GALNTL6: variants seen among roughly 807,000 people sequenced by gnomAD.
The protein encoded by GALNTL6 is polypeptide N-acetylgalactosaminyltransferase-like 6.
GALNTL6 carries 46 observed loss-of-function variants against 73.7 expected under a neutral mutation model. That is an observed-to-expected ratio of 0.62 (90% CI 0.49 to 0.80). The LOEUF (loss-of-function observed/expected upper bound fraction) is 0.80, where lower values mean the gene tolerates loss of function less well. Ranked by LOEUF, GALNTL6 falls within the 30% of genes least tolerant of loss-of-function variation. The pLI, the probability that GALNTL6 is intolerant of heterozygous loss-of-function variation, is 0.00. For synonymous variants in GALNTL6, 259 were observed against 263.7 expected, an observed-to-expected ratio of 0.98 and a Z score of 0.17; for missense variants, 604 against 755.0, an observed-to-expected ratio of 0.80 and a Z score of 2.34.
At chr4:172,668,778 A>G (rs1187199959) in intron 5 of GALNTL6, 2 of 152,176 alleles carry the variant, frequency 1.3e-5, no homozygotes, top group Admixed American at 1.3e-4. Context: ...TGGATGGCCC[A>G]CTTCAAAGGG....
intron 3 of GALNTL6, among the ~76,000 whole-genome samples, chr4:172,277,538 C>T (rs369077179): frequency 2.6e-5 from 4 of 152,238 alleles, no homozygotes; most frequent in East Asian, 3.9e-4. Context: ...CTTTGTTTCA[C>T]GTAATTCAAC....
chr4:172,514,518 A>G (rs980800382), intron 5 of GALNTL6, among the ~76,000 whole-genome samples: 2 of 152,144 alleles, frequency 1.3e-5, no homozygotes, highest in African/African-American at 4.8e-5. Flanking sequence ...CTGCCGAGAA[A>G]TCAAGCAGGG....
At chr4:172,532,184 T>C (rs1202282485) in intron 5 of GALNTL6, among the ~76,000 whole-genome samples, 2 of 152,120 alleles carry the variant, frequency 1.3e-5, no homozygotes, top group African/African-American at 4.8e-5. Context: ...CCTTTGGAAA[T>C]AGGATCTTTG....
intron 5 of GALNTL6, among the ~76,000 whole-genome samples, chr4:172,415,680 C>T (rs1170771941): frequency 2.6e-5 from 4 of 152,080 alleles, no homozygotes; most frequent in South Asian, 2.1e-4. Flanking sequence ...CGCGGACTCA[C>T]GTCTCCAAAA....
chr4:172,834,408 G>A lies in GALNTL6; in HGVS notation c.923+20685G>A, dbSNP rs573168490. 2.0e-5 allele frequency among the ~76,000 whole-genome samples: 3 copies of A among 152,362 alleles called. No homozygotes were observed. In the South Asian group the frequency reaches 6.2e-4, roughly 32 times the overall value. Reference sequence around the variant, plus strand: ...TTGCCCATTACAGCGAGGTAAGCATGGGCAATCAGGGAGAAGCTGGTGGTT... The same window carrying A: ...TTGCCCATTACAGCGAGGTAAGCATAGGCAATCAGGGAGAAGCTGGTGGTT... On this transcript the variant is annotated intron_variant, in intron 7 of 12. Transcript: ENST00000506823.
At chr4:172,187,893 A>AT (rs1735461869) in intron 2 of GALNTL6, among the ~76,000 whole-genome samples, 1 of 152,080 alleles carries the variant, frequency 6.6e-6, no homozygotes, top group Non-Finnish European at 1.5e-5. Context: ...TGTAAAACTC[A>AT]TTCTTTATTA....
intron 5 of GALNTL6, among the ~76,000 whole-genome samples, chr4:172,455,554 A>G (rs1479271777): frequency 1.3e-5 from 2 of 152,152 alleles, no homozygotes; most frequent in East Asian, 3.9e-4. Context: ...AGGCTTGAGT[A>G]GGTGGTTTTC....
At chr4:172,296,250 A>G (rs1202514609) in intron 3 of GALNTL6, among the ~76,000 whole-genome samples, 2 of 152,172 alleles carry the variant, frequency 1.3e-5, no homozygotes, top group Non-Finnish European at 2.9e-5. Flanking sequence ...CTATTCTGTT[A>G]CTGTGGTGAA....
intron 2 of GALNTL6, among the ~76,000 whole-genome samples, chr4:171,863,086 C>A (rs2110881865): frequency 6.6e-6 from 1 of 152,218 alleles, no homozygotes; most frequent in Non-Finnish European, 1.5e-5. Flanking sequence ...TCACTGAAAA[C>A]TAACTAGCAT....
chr4:171,871,479 T>C (rs557394372), intron 2 of GALNTL6, among the ~76,000 whole-genome samples: 1 of 152,262 alleles, frequency 6.6e-6, no homozygotes, highest in South Asian at 2.1e-4. Flanking sequence ...TCCTCAGTGC[T>C]TCTTTTGACC....
chr4:172,293,338 A>G (rs924065980), intron 3 of GALNTL6, among the ~76,000 whole-genome samples: 22 of 152,162 alleles, frequency 1.4e-4, no homozygotes, highest in African/African-American at 5.1e-4. Context: ...AATAAATGGC[A>G]TATGTTCTTA....
intron 5 of GALNTL6, among the ~76,000 whole-genome samples, chr4:172,542,958 G>A (rs950520995): frequency 2.0e-5 from 3 of 151,972 alleles, no homozygotes; most frequent in African/African-American, 7.2e-5. Flanking sequence ...TTAGCCGGGC[G>A]TGGTGGCACG....
intron 2 of GALNTL6, among the ~76,000 whole-genome samples, chr4:171,980,016 A>T (rs548850080): frequency 6.6e-6 from 1 of 152,330 alleles, no homozygotes; most frequent in East Asian, 1.9e-4. Context: ...CCACAAGGCA[A>T]GTAAATAATT....
At chr4:172,909,612 C>T (rs189240906) in intron 8 of GALNTL6, among the ~76,000 whole-genome samples, 1 of 152,138 alleles carries the variant, frequency 6.6e-6, no homozygotes, top group East Asian at 1.9e-4. Context: ...AGATTTGCAA[C>T]AATCAAGAAC....
intron 2 of GALNTL6, among the ~76,000 whole-genome samples, chr4:171,880,670 C>A (rs73867186): frequency 2.4e-4 from 37 of 152,086 alleles, no homozygotes; most frequent in African/African-American, 8.2e-4. Context: ...AAAGGCAAAG[C>A]AGAAATGAAA....
intron 5 of GALNTL6, among the ~76,000 whole-genome samples, chr4:172,723,866 A>G (rs1228322436): frequency 6.6e-6 from 1 of 152,152 alleles, no homozygotes; most frequent in African/African-American, 2.4e-5. Flanking sequence ...TTCCAGAAAA[A>G]GAAATATATT....
chr4:172,497,856 G>C (rs2110766440), intron 5 of GALNTL6, among the ~76,000 whole-genome samples: 1 of 152,210 alleles, frequency 6.6e-6, no homozygotes, highest in African/African-American at 2.4e-5. Flanking sequence ...GAAGACATAG[G>C]TTCTAGTGGT....
At chr4:172,194,518 GA>G (rs936510887) in intron 2 of GALNTL6, among the ~76,000 whole-genome samples, 3 of 151,772 alleles carry the variant, frequency 2.0e-5, no homozygotes, top group African/African-American at 7.3e-5. Context: ...TGAAATGAAG[GA>G]AAAAAAATGT....
Position 172,912,610 on chromosome 4 carries a change from C to T in GALNTL6, c.1042-18551C>T, listed in dbSNP as rs189357310. 4.7e-4 allele frequency among the ~76,000 whole-genome samples: 71 copies of T among 152,326 alleles called. No individual in the cohort carries two copies. In the South Asian group the frequency reaches 5.2e-3, roughly 11 times the overall value. On this transcript the variant is annotated intron_variant, in intron 8 of 12. Coordinates refer to ENST00000506823, the MANE Select transcript of GALNTL6 (RefSeq NM_001034845.3). ...CAGGTCCCACGCCCACAGAGCCTTG[C>T]TCACTGCTAGCACAGCAGTCCAAGA...
Sources: gnomAD v4.1 joint callset for allele counts (sites outside exome capture counted in the v4.1 genomes callset) on GRCh38, gnomAD v4.1.1 for gene constraint, MANE v1.5 for transcripts, NCBI Gene and HGNC (gene_info 2026-07-23, HGNC 2026-07-21) for gene names.